Variants in PADI1 observed in about 807,000 individuals in gnomAD.
PADI1 encodes peptidyl arginine deiminase 1, also known as protein-arginine deiminase type-1.
A neutral mutation model predicts 74.8 loss-of-function variants in PADI1; 65 were observed. That is an observed-to-expected ratio of 0.87 (90% CI 0.71 to 1.07). The LOEUF (loss-of-function observed/expected upper bound fraction) is 1.07. Among genes scored for constraint, PADI1 ranks in the 50% least tolerant of loss-of-function variants. The pLI is 0.00. For synonymous variants in PADI1, 371 were observed against 336.2 expected (o/e 1.10, Z -1.13); for missense variants, 943 against 854.0 (o/e 1.10, Z -1.30).
intron 12 of PADI1, 56 bp from the exon 13 acceptor site, chr1:17,238,560 C>A: frequency 2.1e-6 from 2 of 967,436 alleles, no homozygotes; most frequent in Admixed American, 3.5e-5. Flanking sequence ...AGTCTGGGGT[C>A]TCCTGTGTCT....
chr1:17,210,312 G>A (rs576213567), intron 1 of PADI1, among the ~76,000 whole-genome samples: 15 of 151,902 alleles, frequency 9.9e-5, no homozygotes, highest in Admixed American at 1.3e-4. Context: ...CTGAGCCACC[G>A]CGCCCGGCCA....
chr1:17,205,457 A>G lies in PADI1; in HGVS notation c.92+148A>G, dbSNP rs116581411. The G allele has an allele frequency of 1.6e-3, 1,100 of 694,336 alleles. 7 individuals are homozygous for G. In the African/African-American group the frequency reaches 0.017, roughly 11 times the overall value. The allele number at this position is 694,336 out of a possible 1,614,324, so 43.0% of individuals were successfully genotyped here. ...AGGTGGAGTTGGCTGTGGAGTCTGG[A>G]AGGAAGGAACTAGGGTCTAGTCAGG... On this transcript the variant is annotated intron_variant, in intron 1 of 15. Transcript: ENST00000375471.
Position 17,232,806 on chromosome 1 carries a change from G to T in PADI1, c.1162-13G>T, listed in dbSNP as rs371112764. ...TCCTTCTTGGGGTGGGGGTCTCGCT[G>T]GTTCTTCCATAGGGTCCTGACTTTG... On this transcript the variant is annotated splice_polypyrimidine_tract_variant and intron_variant, in intron 10 of 15. Transcript: ENST00000375471. 4.2e-5 allele frequency: 67 copies of T among 1,604,432 alleles called. 1 individual carries two copies. The highest frequency in any genetic ancestry group is 2.3e-4 in the African/African-American group (17 of 74,606).
intron 1 of PADI1, among the ~76,000 whole-genome samples, chr1:17,209,687 C>G (rs928111073): frequency 6.6e-6 from 1 of 152,140 alleles, no homozygotes; most frequent in African/African-American, 2.4e-5. Context: ...GAGCCTTCTT[C>G]TCTTCCCTTC....
At chr1:17,227,681 G>A (rs1364282220) in intron 6 of PADI1, among the ~76,000 whole-genome samples, 1 of 152,138 alleles carries the variant, frequency 6.6e-6, no homozygotes, top group African/African-American at 2.4e-5. Flanking sequence ...TGTTCAAACT[G>A]ACCCAGAGCT....
intron 1 of PADI1, among the ~76,000 whole-genome samples, chr1:17,218,975 T>A (rs2072057188): frequency 6.6e-6 from 1 of 152,030 alleles, no homozygotes; most frequent in African/African-American, 2.4e-5. Context: ...GGGAGGCTTC[T>A]GGAGATAGGA....
intron 5 of PADI1, 23 bp from the exon 6 acceptor site, chr1:17,226,010 C>T (rs1186279650): frequency 6.2e-7 from 1 of 1,612,738 alleles, no homozygotes; most frequent in African/African-American, 1.3e-5. Context: ...AAAGGGCGAT[C>T]TCAAGAGGGC....
chr1:17,221,024 G>C (rs2072134010), intron 1 of PADI1, among the ~76,000 whole-genome samples: 2 of 152,298 alleles, frequency 1.3e-5, no homozygotes, highest in Admixed American at 6.5e-5. Flanking sequence ...CCCCAGGCTG[G>C]GGCCAAGGCA....
In PADI1 at chr1:17,232,844, G is replaced by A. The variant is rs779479051; in HGVS notation, c.1187G>A (p.Arg396Gln). 2.2e-5 allele frequency: 36 copies of A among 1,613,176 alleles called. No individual in the cohort carries two copies. Among genetic ancestry groups the A allele is most frequent in the Admixed American group, 6.7e-5 (4 of 59,922 alleles). Residue 396 changes from arginine (R) to glutamine (Q), a missense_variant, in exon 11 of 16, where the codon CGG (arginine) becomes CAG (glutamine). Transcript: ENST00000375471. ...ILGPDFGYVTREIPLPGPSSL... is the reference protein window; with the variant it reads ...ILGPDFGYVTQEIPLPGPSSL... ...GGTCCTGACTTTGGATATGTTACCCGGGAGATCCCGCTCCCTGGTCCCTCC... is the reference window on the plus strand; with the variant it reads ...GGTCCTGACTTTGGATATGTTACCCAGGAGATCCCGCTCCCTGGTCCCTCC...
chr1:17,206,822 C>T (rs1005724882), intron 1 of PADI1, among the ~76,000 whole-genome samples: 16 of 151,452 alleles, frequency 1.1e-4, no homozygotes, highest in African/African-American at 3.9e-4. Flanking sequence ...GCTGGGATAA[C>T]AGGAACCCAC....
chr1:17,243,878 C>T, intron 15 of PADI1, 132 bp from the exon 16 acceptor site: 2 of 641,150 alleles, frequency 3.1e-6, no homozygotes, highest in Non-Finnish European at 2.8e-6. Context: ...AACTCCAGTC[C>T]TAGAGCCCTT....
At chr1:17,229,693 T>C (rs556839682) in intron 8 of PADI1, among the ~76,000 whole-genome samples, 2 of 152,258 alleles carry the variant, frequency 1.3e-5, no homozygotes, top group East Asian at 3.9e-4. Flanking sequence ...AAGAGACTGT[T>C]CTCCTGCTTG....
At chr1:17,227,030 TAA>T (rs778670380) in intron 6 of PADI1, among the ~76,000 whole-genome samples, 13 of 125,556 alleles carry the variant, frequency 1.0e-4, no homozygotes, top group Non-Finnish European at 8.5e-5. Context: ...AGACTCTGTC[TAA>T]AAAAAAAAAA....
In PADI1 at chr1:17,237,464, T is replaced by TC; in HGVS notation, c.1458+10dup. On this transcript the variant is annotated splice_region_variant and intron_variant, in intron 12 of 15. Coordinates refer to ENST00000375471, the MANE Select transcript of PADI1 (RefSeq NM_013358.3). ...TGCCTACCTCTGACCAAAAGGTGCG[T>TC]CCCCTCCTTCCCTGCCTGAGCCACC... is the stretch of plus-strand genomic sequence containing the variant. The TC allele has an allele frequency of 6.2e-7, 1 of 1,602,636 alleles. No homozygotes were observed. Among genetic ancestry groups the TC allele is most frequent in the Non-Finnish European group, 8.5e-7 (1 of 1,174,066 alleles).
chr1:17,238,334 A>C (rs1443387283), intron 12 of PADI1, among the ~76,000 whole-genome samples: 1 of 152,190 alleles, frequency 6.6e-6, no homozygotes, highest in Non-Finnish European at 1.5e-5. Context: ...GAGCCACGAC[A>C]CCCAGCCCTG....
chr1:17,242,014 T>A (rs568641210), intron 15 of PADI1, among the ~76,000 whole-genome samples: 1 of 152,326 alleles, frequency 6.6e-6, no homozygotes, highest in East Asian at 1.9e-4. Context: ...GGAGGGTCAG[T>A]GTGCTTTCCT....
chr1:17,210,784 G>C (rs1279477869), intron 1 of PADI1, among the ~76,000 whole-genome samples: 1 of 152,194 alleles, frequency 6.6e-6, no homozygotes, highest in Non-Finnish European at 1.5e-5. Context: ...CCCGGGGAGA[G>C]GATGCAGGGG....
chr1:17,230,435 T>C lies in PADI1; in HGVS notation c.1054-137T>C. ...CTCCTGGCTGGGGTCCTAAGAGGCC[T>C]CACTTCTACCTCTGCCCCTCACCAG... On this transcript the variant is annotated intron_variant, in intron 9 of 15. Transcript: ENST00000375471. The C allele has an allele frequency of 6.9e-6, 5 of 728,632 alleles. No individual in the cohort carries two copies. In the Middle Eastern group the frequency reaches 1.1e-3, roughly 165 times the overall value. 45.1% of individuals were successfully genotyped at this position (728,632 alleles called of 1,614,324 possible).
intron 1 of PADI1, among the ~76,000 whole-genome samples, chr1:17,215,898 G>A (rs946375284): frequency 2.6e-5 from 4 of 152,202 alleles, no homozygotes; most frequent in South Asian, 4.1e-4. Flanking sequence ...GGAGGTGGCC[G>A]GTGCCATGGG....
Sources: allele counts gnomAD v4.1 joint callset (sites outside exome capture counted in the v4.1 genomes callset), GRCh38; gene constraint gnomAD v4.1.1; transcripts MANE v1.5; gene names NCBI Gene and HGNC (gene_info 2026-07-23, HGNC 2026-07-21).